RECQL: variants seen among roughly 807,000 people sequenced by gnomAD.
RECQL encodes the protein RecQ like helicase.
RECQL carries 73 observed loss-of-function variants against 75.8 expected under a neutral mutation model. The observed-to-expected ratio is 0.96, with a 90% confidence interval of 0.80 to 1.17. RECQL has a LOEUF of 1.17. Ranked by LOEUF, RECQL falls within the 50% of genes most tolerant of loss-of-function variation. RECQL has a pLI of 0.00. For synonymous variants in RECQL, 248 were observed against 254.4 expected (o/e 0.97, Z 0.24); for missense variants, 699 against 772.1 (o/e 0.91, Z 1.12).
rs1943385560 is a variant in RECQL, at chr12:21,490,295, T to C, written c.298A>G (p.Ile100Val). The C allele has an allele frequency of 3.1e-6, 5 of 1,612,936 alleles. No homozygotes were observed. Among genetic ancestry groups the C allele is most frequent in the Non-Finnish European group, 4.2e-6 (5 of 1,179,070 alleles). Residue 100 changes from isoleucine to valine, a missense_variant, in exon 4 of 15, where the codon ATT becomes GTT. Around this residue, in one of 2 missense-constraint regions of RECQL, gnomAD observed 669 missense variants for 713.5 expected, o/e 0.94. Transcript: ENST00000444129. ...TCCTTTCCAGCCATTGTTACGTTAA[T>C]AGTTTCAAGCTGAAGTGGTCTGAAC... ...EKFRPLQLET[I>V]NVTMAGKEVF...
At chr12:21,484,754 G>T (rs374129917) in intron 5 of RECQL, among the ~76,000 whole-genome samples, 3 of 149,250 alleles carry the variant, frequency 2.0e-5, no homozygotes, top group Non-Finnish European at 3.0e-5. Flanking sequence ...TATACATATT[G>T]ATATATATAT....
intron 1 of RECQL, among the ~76,000 whole-genome samples, chr12:21,500,193 C>T (rs971033376): frequency 6.6e-6 from 1 of 151,844 alleles, no homozygotes; most frequent in African/African-American, 2.4e-5. Flanking sequence ...CAATATAAGC[C>T]CAATCTTAAA....
Position 21,501,373 on chromosome 12 carries a change from C to G in RECQL, c.-249G>C, listed in dbSNP as rs1266610126. On this transcript the variant is annotated 5_prime_UTR_variant, in exon 1 of 15. Coordinates refer to ENST00000444129, the MANE Select transcript of RECQL (RefSeq NM_002907.4). ...TGATCCGCTACAGACCGGCCTCGCC[C>G]TGCAGCAGGAAAGGGAAGGATGAAA... The G allele has an allele frequency of 6.5e-6, 1 of 152,898 alleles. No homozygotes were observed. Among genetic ancestry groups the G allele is most frequent in the Non-Finnish European group, 1.5e-5 (1 of 68,468 alleles). 9.5% of individuals were successfully genotyped at this position (152,898 alleles called of 1,614,324 possible).
intron 6 of RECQL, among the ~76,000 whole-genome samples, chr12:21,481,143 G>C (rs1461823222): frequency 6.6e-6 from 1 of 152,188 alleles, no homozygotes; most frequent in Non-Finnish European, 1.5e-5. Context: ...TTAAGACAGA[G>C]AAGACTGAAG....
At chr12:21,493,558 T>C (rs139607795) in intron 2 of RECQL, among the ~76,000 whole-genome samples, 110 of 152,326 alleles carry the variant, frequency 7.2e-4, no homozygotes, top group African/African-American at 2.6e-3. Flanking sequence ...TGAATTTCAA[T>C]ACAAACTGAA....
intron 6 of RECQL, 106 bp downstream of exon 6, chr12:21,483,270 A>T: frequency 1.3e-6 from 1 of 799,706 alleles, no homozygotes; most frequent in Non-Finnish European, 2.0e-6. Flanking sequence ...TTCAATGTGT[A>T]ACTACTTGAG....
chr12:21,494,328 C>T (rs1390764187), intron 2 of RECQL, among the ~76,000 whole-genome samples: 1 of 152,154 alleles, frequency 6.6e-6, no homozygotes, highest in Non-Finnish European at 1.5e-5. Context: ...TAGGAGGAGA[C>T]ACATATCCAA....
At chr12:21,498,606 C>T (rs1158451498) in intron 2 of RECQL, among the ~76,000 whole-genome samples, 1 of 152,114 alleles carries the variant, frequency 6.6e-6, no homozygotes. Context: ...GTGATCCTGA[C>T]TATTAAGGGG....
At chr12:21,494,730 T>C (rs894683712) in intron 2 of RECQL, among the ~76,000 whole-genome samples, 6 of 152,186 alleles carry the variant, frequency 3.9e-5, no homozygotes, top group African/African-American at 1.4e-4. Flanking sequence ...AGGACACTTC[T>C]TTCACCAAGA....
chr12:21,499,512 A>C, intron 2 of RECQL, 43 bp downstream of exon 2: 1 of 1,503,810 alleles, frequency 6.6e-7, no homozygotes, highest in Non-Finnish European at 9.0e-7. Flanking sequence ...TACAAACAGA[A>C]ATAGAACAGA....
intron 6 of RECQL, among the ~76,000 whole-genome samples, chr12:21,482,532 G>A (rs1943211361): frequency 6.6e-6 from 1 of 152,190 alleles, no homozygotes; most frequent in Non-Finnish European, 1.5e-5. Flanking sequence ...CAAGCAGCAG[G>A]AATGGGGAAA....
chr12:21,484,750 T>C (rs553126904), intron 5 of RECQL, among the ~76,000 whole-genome samples: 2 of 132,400 alleles, frequency 1.5e-5, no homozygotes, highest in African/African-American at 5.2e-5. Flanking sequence ...CATATATACA[T>C]ATTGATATAT....
At chr12:21,489,715 A>G (rs1943372047) in intron 4 of RECQL, among the ~76,000 whole-genome samples, 1 of 152,186 alleles carries the variant, frequency 6.6e-6, no homozygotes, top group Non-Finnish European at 1.5e-5. Flanking sequence ...CAAGTGTTCT[A>G]TAGCACTGTA....
intron 8 of RECQL, 117 bp from the exon 9 acceptor site, chr12:21,475,941 T>C (rs1943080123): frequency 1.1e-6 from 1 of 877,334 alleles, no homozygotes; most frequent in Non-Finnish European, 1.7e-6. Context: ...AAAAGAATTA[T>C]GAAAAATTTC....
chr12:21,473,702 T>G, intron 11 of RECQL, 60 bp from the exon 12 acceptor site: 2 of 1,394,608 alleles, frequency 1.4e-6, no homozygotes, highest in Non-Finnish European at 2.0e-6. Flanking sequence ...TAAGAATCTC[T>G]ATTTCAGCTT....
intron 2 of RECQL, among the ~76,000 whole-genome samples, chr12:21,498,218 T>C (rs1166257950): frequency 6.6e-6 from 1 of 152,206 alleles, no homozygotes; most frequent in African/African-American, 2.4e-5. Context: ...GAGTGGCATT[T>C]TGCAGACTCA....
At chr12:21,488,597 T>C (rs1943349948) in intron 4 of RECQL, among the ~76,000 whole-genome samples, 1 of 152,084 alleles carries the variant, frequency 6.6e-6, no homozygotes, top group Non-Finnish European at 1.5e-5. Flanking sequence ...CCCCTCTCCA[T>C]TCCCAAGAGT....
Position 21,483,362 on chromosome 12 carries a change from T to C in RECQL, c.700+14A>G. The C allele has an allele frequency of 2.5e-6, 4 of 1,584,118 alleles. No individual in the cohort carries two copies. The highest frequency in any genetic ancestry group is 3.4e-6 in the Non-Finnish European group (4 of 1,164,038). On this transcript the variant is annotated intron_variant, in intron 6 of 14. Transcript: ENST00000444129. ...CTATGACATCAAAAAGTTTTCTAGA[T>C]AAAACATACATACCAGGTCTGAAAT...
At chr12:21,493,141 C>T (rs933613993) in intron 2 of RECQL, among the ~76,000 whole-genome samples, 1 of 152,218 alleles carries the variant, frequency 6.6e-6, no homozygotes, top group African/African-American at 2.4e-5. Flanking sequence ...AGAAACTTAA[C>T]AGGTTCTCTG....
Sources: gnomAD v4.1 joint callset for allele counts (sites outside exome capture counted in the v4.1 genomes callset) on GRCh38, gnomAD v4.1.1 for gene constraint, gnomAD v4.1.1 regional missense constraint, MANE v1.5 for transcripts, NCBI Gene and HGNC (gene_info 2026-07-23, HGNC 2026-07-21) for gene names.